The following PALM2AKAP2 variants were observed in gnomAD, a reference collection of about 807,000 sequenced individuals.
PALM2AKAP2 encodes PALM2-AKAP2 fusion protein.
A neutral mutation model predicts 71.5 loss-of-function variants in PALM2AKAP2; 37 were observed. That is an observed-to-expected ratio of 0.52 (90% CI 0.40 to 0.68). PALM2AKAP2 has a LOEUF of 0.68. PALM2AKAP2 is among the 30% of genes least tolerant of loss of function. The pLI is 0.00. For synonymous variants in PALM2AKAP2, 468 were observed against 478.8 expected, an observed-to-expected ratio of 0.98 and a Z score of 0.29; for missense variants, 1,224 against 1,191.8, an observed-to-expected ratio of 1.03 and a Z score of -0.40.
At position 109,873,817 on chromosome 9, in the gene PALM2AKAP2, A is replaced by C. The variant is rs536358655; in HGVS notation, c.126+6246A>C. 3.0e-4 allele frequency among the ~76,000 whole-genome samples: 46 copies of C among 152,200 alleles called. 1 individual carries two copies. In the East Asian group the frequency reaches 8.5e-3, roughly 28 times the overall value. ...TCTGCCCCACCCAGCCTCTCCAGACATGCCTCACTCTTCACCGGGGTCACC... is the reference window on the plus strand; with the variant it reads ...TCTGCCCCACCCAGCCTCTCCAGACCTGCCTCACTCTTCACCGGGGTCACC... On this transcript the variant is annotated intron_variant, in intron 2 of 9. Transcript: ENST00000302798.
At chr9:110,086,884 C>T (rs1834586537) in intron 1 of PALM2AKAP2, among the ~76,000 whole-genome samples, 1 of 152,180 alleles carries the variant, frequency 6.6e-6, no homozygotes, top group Non-Finnish European at 1.5e-5. Flanking sequence ...AGGAAGAAGA[C>T]CCCAAATCCT....
At chr9:109,774,095 G>A (rs1335930378) in intron 1 of PALM2AKAP2, among the ~76,000 whole-genome samples, 1 of 152,226 alleles carries the variant, frequency 6.6e-6, no homozygotes, top group African/African-American at 2.4e-5. Flanking sequence ...CTGACTTGCA[G>A]AATGTACACG....
rs79485081 is a variant in PALM2AKAP2, at chr9:110,073,029, A to G, written c.156+24174A>G. ...ATTTTTAGAAACTTCACACAACACC[A>G]AGCCCAAACTGTTAAGCATTGCCTT... is the stretch of plus-strand genomic sequence containing the variant. On this transcript the variant is annotated intron_variant, in intron 1 of 3. Transcript: ENST00000374525. Among the ~76,000 whole-genome samples, 44 of 152,326 alleles carry G rather than the reference A, an allele frequency of 2.9e-4. 1 individual carries two copies. In the East Asian group the frequency reaches 8.3e-3, roughly 29 times the overall value.
At chr9:110,056,352 C>A (rs552607177) in intron 1 of PALM2AKAP2, among the ~76,000 whole-genome samples, 4 of 152,198 alleles carry the variant, frequency 2.6e-5, no homozygotes. Flanking sequence ...TTTTTTGATA[C>A]CGCCTACAAA....
rs1382117050 is a variant in PALM2AKAP2, at chr9:110,014,802, AAATGTATATAT to A, written c.497-1150_497-1140del. Among the ~76,000 whole-genome samples, 81 of 41,446 alleles carry A rather than the reference AAATGTATATAT, an allele frequency of 2.0e-3. 6 individuals carry two copies. Among genetic ancestry groups the A allele is most frequent in the African/African-American group, 8.0e-3 (47 of 5,858 alleles). 27.2% of individuals were successfully genotyped at this position (41,446 alleles called of 152,430 possible). On this transcript the variant is annotated intron_variant, in intron 6 of 9. Coordinates refer to the PALM2AKAP2 transcript ENST00000302798. ...CTCAAAAAAAAAAAAAAAAAAAAAA[AAATGTATATAT>A]ATATATATATATATATATATATATA...
At chr9:110,075,158 C>G (rs1034240286) in intron 1 of PALM2AKAP2, among the ~76,000 whole-genome samples, 5 of 152,102 alleles carry the variant, frequency 3.3e-5, no homozygotes, top group African/African-American at 1.2e-4. Context: ...GTTTCATGCA[C>G]CAGACCTGTA....
At chr9:109,772,799 C>A (rs1829288953) in intron 1 of PALM2AKAP2, among the ~76,000 whole-genome samples, 1 of 152,190 alleles carries the variant, frequency 6.6e-6, no homozygotes, top group South Asian at 2.1e-4. Flanking sequence ...TCTCCCGGTG[C>A]ACTGAGTCTA....
chr9:110,069,396 ATTTG>A (rs1834156437), intron 1 of PALM2AKAP2, among the ~76,000 whole-genome samples: 1 of 152,240 alleles, frequency 6.6e-6, no homozygotes, highest in East Asian at 1.9e-4. Flanking sequence ...ACTTCAAAAC[ATTTG>A]TTTGTCCCAG....
At chr9:109,904,410 A>G (rs1379767325) in intron 3 of PALM2AKAP2, among the ~76,000 whole-genome samples, 1 of 152,202 alleles carries the variant, frequency 6.6e-6, no homozygotes, top group Non-Finnish European at 1.5e-5. Flanking sequence ...CTTGGGTTTC[A>G]TGGGAATATA....
In PALM2AKAP2 at chr9:109,643,787, GT is replaced by G. The variant is rs146672219; in HGVS notation, c.5+2923del. On this transcript the variant is annotated intron_variant, in intron 1 of 6. Transcript: ENST00000374531. ...GTTTGCTTCCTTAATGTATTAGGCT[GT>G]TCCTGCATTGTTATAAAGAAATACC... 5.8e-3 allele frequency among the ~76,000 whole-genome samples: 878 copies of G among 152,274 alleles called. 17 individuals carry two copies. Among genetic ancestry groups the G allele is most frequent in the East Asian group, 0.036 (188 of 5,180 alleles).
intron 1 of PALM2AKAP2, among the ~76,000 whole-genome samples, chr9:109,641,553 C>G (rs190439272): frequency 3.9e-5 from 6 of 152,334 alleles, no homozygotes; most frequent in Admixed American, 3.9e-4. Context: ...GGTTGTGGGT[C>G]TGGTCTAGGA....
chr9:109,841,384 G>A lies in PALM2AKAP2; in HGVS notation c.46-26107G>A, dbSNP rs559563163. Among the ~76,000 whole-genome samples the A allele has an allele frequency of 1.1e-3, 166 of 145,896 alleles. 1 individual carries two copies. The Middle Eastern group carries it at 0.021, about 18-fold the overall frequency. ...CCTGTTGTGGGGTGGGGGTAGGGGG[G>A]AGGGATAGCATTAGGAGATATACCT... On this transcript the variant is annotated intron_variant, in intron 1 of 9. Coordinates refer to the PALM2AKAP2 transcript ENST00000302798.
chr9:109,928,637 A>G (rs191400484), intron 5 of PALM2AKAP2, among the ~76,000 whole-genome samples: 18 of 149,374 alleles, frequency 1.2e-4, no homozygotes, highest in African/African-American at 1.5e-4. Flanking sequence ...CCTCTTTCTG[A>G]TGCCCCATTC....
At chr9:110,053,527 C>CAAAAAAAAAAAAAAAA (rs56132919) in intron 1 of PALM2AKAP2, among the ~76,000 whole-genome samples, 20 of 82,844 alleles carry the variant, frequency 2.4e-4, no homozygotes, top group South Asian at 5.3e-4. Flanking sequence ...AACTCTGTCT[C>CAAAAAAAAAAAAAAAA]AAAAAAAAAA....
intron 1 of PALM2AKAP2, among the ~76,000 whole-genome samples, chr9:109,670,460 T>C (rs1827557110): frequency 6.6e-6 from 1 of 152,196 alleles, no homozygotes; most frequent in African/African-American, 2.4e-5. Context: ...TGTTCTTTTG[T>C]GTGGCTACAT....
chr9:109,761,225 G>T lies in PALM2AKAP2; in HGVS notation c.6-19263G>T, dbSNP rs1210525848. Among the ~76,000 whole-genome samples the T allele has an allele frequency of 2.0e-5, 3 of 152,222 alleles. No homozygotes were observed. The East Asian group carries it at 5.8e-4, about 29-fold the overall frequency. On this transcript the variant is annotated intron_variant, in intron 1 of 6. Coordinates refer to the PALM2AKAP2 transcript ENST00000374531. Reference sequence around the variant, plus strand: ...ATGCTGACAAACCAACAGGGTATGTGGAAAATTCCATCCAAAATAATATTA... The same window carrying T: ...ATGCTGACAAACCAACAGGGTATGTTGAAAATTCCATCCAAAATAATATTA...
intron 1 of PALM2AKAP2, among the ~76,000 whole-genome samples, chr9:110,055,639 G>A (rs963152803): frequency 8.5e-5 from 13 of 152,124 alleles, no homozygotes; most frequent in African/African-American, 2.7e-4. Flanking sequence ...ATTTTAGGGA[G>A]ACACAAACAT....
intron 1 of PALM2AKAP2, among the ~76,000 whole-genome samples, chr9:109,694,186 C>G (rs949208465): frequency 3.3e-5 from 5 of 151,954 alleles, no homozygotes; most frequent in Non-Finnish European, 7.4e-5. Context: ...AGTGTATATA[C>G]TAGAAGTTAT....
At chr9:110,047,584 G>A (rs1833623641), upstream of PALM2AKAP2, among the ~76,000 whole-genome samples, 1 of 152,190 alleles carries the variant, frequency 6.6e-6, no homozygotes, top group African/African-American at 2.4e-5. Flanking sequence ...GCCCTAGGGT[G>A]GAAACCTAAC....
Sources: allele counts gnomAD v4.1 joint callset (sites outside exome capture counted in the v4.1 genomes callset), GRCh38; gene constraint gnomAD v4.1.1; transcripts MANE v1.5; gene names NCBI Gene and HGNC (gene_info 2026-07-23, HGNC 2026-07-21).